Variants in EVC observed in about 807,000 individuals in gnomAD.
The protein encoded by EVC is evC complex member EVC.
In EVC, 116 loss-of-function variants were observed where a neutral mutation model predicts 118.9. That is an observed-to-expected ratio of 0.98 (90% CI 0.84 to 1.14). The LOEUF (loss-of-function observed/expected upper bound fraction) is 1.14. Among genes scored for constraint, EVC ranks in the 50% most tolerant of loss-of-function variants. EVC has a pLI of 0.00. For synonymous variants in EVC, 619 were observed against 534.7 expected (o/e 1.16, Z -2.18); for missense variants, 1,401 against 1,246.4 (o/e 1.12, Z -1.87).
intron 12 of EVC, among the ~76,000 whole-genome samples, chr4:5,788,590 CA>C (rs1277394407): frequency 2.0e-5 from 3 of 152,160 alleles, no homozygotes; most frequent in Non-Finnish European, 4.4e-5. Context: ...TAAATTAGGG[CA>C]AAAACCTTGG....
the EVC span, chr4:5,825,283 G>A: frequency 1.0e-6 from 1 of 985,288 alleles, no homozygotes; most frequent in Non-Finnish European, 1.2e-6. This position sits in a 1 kb window ranked among gnomAD's most constrained non-coding sequence, Gnocchi z 4.4. Flanking sequence ...GTACCACCAT[G>A]TTGCCCCCCT....
chr4:5,794,359 GTATTTA>G (rs1218836254), intron 13 of EVC, among the ~76,000 whole-genome samples: 9 of 101,852 alleles, frequency 8.8e-5, no homozygotes, highest in Non-Finnish European at 1.7e-4. Context: ...ATATATTTAT[GTATTTA>G]TATTTATATA....
chr4:5,822,751 G>A, the EVC span, among the ~76,000 whole-genome samples: 1 of 152,166 alleles, frequency 6.6e-6, no homozygotes, highest in South Asian at 2.1e-4. Flanking sequence ...AAGCAAATAA[G>A]CTGTAAGTCT....
Position 5,802,176 on chromosome 4 carries a change from A to G in EVC, c.2449+82A>G, listed in dbSNP as rs2306399. Reference sequence around the variant, plus strand: ...TTTGGGGCAGAATAGGATGTCAGATACTGTGAATTTTATTTTTGGGAATAT... The same window carrying G: ...TTTGGGGCAGAATAGGATGTCAGATGCTGTGAATTTTATTTTTGGGAATAT... On this transcript the variant is annotated intron_variant, in intron 16 of 20. Transcript: ENST00000264956. 518,876 of 1,530,900 alleles carry G rather than the reference A, an allele frequency of 0.34. 92,735 individuals are homozygous for G. The highest frequency in any genetic ancestry group is 0.53 in the South Asian group (46,537 of 88,386). The allele number at this position is 1,530,900 out of a possible 1,614,324, so 94.8% of individuals were successfully genotyped here. A position where few individuals can be genotyped will look rare whatever the true frequency, so the allele number is the denominator to read the frequency against.
chr4:5,823,884 C>T, the EVC span, among the ~76,000 whole-genome samples: 1 of 152,198 alleles, frequency 6.6e-6, no homozygotes, highest in Non-Finnish European at 1.5e-5. Context: ...AGCTCTATAA[C>T]GTAACATACG....
Position 5,756,720 on chromosome 4 carries a change from G to T in EVC, c.1563+358G>T, listed in dbSNP as rs1731232639. Reference sequence around the variant, plus strand: ...AGTGGTGATGAAGAAGGGGTTCTGGGCTGAAATGGGGACGTCAGAGATCAC... The same window carrying T: ...AGTGGTGATGAAGAAGGGGTTCTGGTCTGAAATGGGGACGTCAGAGATCAC... On this transcript the variant is annotated intron_variant, in intron 11 of 20. Transcript: ENST00000264956. This position sits in a 1 kb window ranked among gnomAD's most constrained non-coding sequence, Gnocchi z 4.2. Among the ~76,000 whole-genome samples, 2 of 152,198 alleles carry T rather than the reference G, an allele frequency of 1.3e-5. No homozygotes were observed. The highest frequency in any genetic ancestry group is 4.1e-4 in the South Asian group (2 of 4,820).
In EVC at chr4:5,719,229, C is replaced by G. The variant is rs369907671; in HGVS notation, c.175-19C>G. On this transcript the variant is annotated intron_variant, in intron 1 of 20. Transcript: ENST00000264956. This position sits in a 1 kb window ranked among gnomAD's most constrained non-coding sequence, Gnocchi z 4.7. The stretch of plus-strand genomic sequence containing the variant: ...GTTGTGTTTCTATCCACCCCCAACT[C>G]CTGACCTTCGGGTTTTAGAAAGACG... 1.9e-6 allele frequency: 3 copies of G among 1,613,988 alleles called. No homozygotes were observed. The highest frequency in any genetic ancestry group is 1.3e-5 in the African/African-American group (1 of 74,926).
chr4:5,809,452 G>T (rs543488589), intron 18 of EVC, 66 bp from the exon 19 acceptor site: 1 of 1,410,056 alleles, frequency 7.1e-7, no homozygotes, highest in African/African-American at 1.4e-5. Flanking sequence ...ATTCACTCAC[G>T]TGGAGAGGGA....
intron 8 of EVC, among the ~76,000 whole-genome samples, chr4:5,751,703 C>G (rs1047381144): frequency 1.3e-5 from 2 of 152,258 alleles, no homozygotes; most frequent in Non-Finnish European, 1.5e-5. Flanking sequence ...ATCACCTCCT[C>G]GAAGACAGGA....
downstream of EVC, among the ~76,000 whole-genome samples, chr4:5,817,051 G>A (rs1481704944): frequency 6.6e-6 from 1 of 152,228 alleles, no homozygotes; most frequent in Non-Finnish European, 1.5e-5. Context: ...TGAGGCTGAG[G>A]CCCCAGCCTA....
Position 5,749,983 on chromosome 4 carries a change from C to T in EVC, c.1098+1677C>T, listed in dbSNP as rs575626239. On this transcript the variant is annotated intron_variant, in intron 8 of 20. Transcript: ENST00000264956. This position sits in a 1 kb window ranked among gnomAD's most constrained non-coding sequence, Gnocchi z 4.4. ...TTCCCAAGCAGGATCTGCACTTTAACAAGACCCCCACATCCACACAGTTGT... is the reference window on the plus strand; with the variant it reads ...TTCCCAAGCAGGATCTGCACTTTAATAAGACCCCCACATCCACACAGTTGT... Among the ~76,000 whole-genome samples, 1 of 152,280 alleles carries T rather than the reference C, an allele frequency of 6.6e-6. No individual in the cohort carries two copies. Among genetic ancestry groups the T allele is most frequent in the Admixed American group, 6.5e-5 (1 of 15,296 alleles).
intron 11 of EVC, chr4:5,758,211 C>T (rs1731478813): frequency 1.5e-6 from 1 of 688,556 alleles, no homozygotes; most frequent in African/African-American, 1.8e-5. Flanking sequence ...AGGAAGGGCC[C>T]CTCCCAGAGC....
chr4:5,745,061 TACA>T, intron 6 of EVC, 140 bp from the exon 7 acceptor site: 1 of 782,026 alleles, frequency 1.3e-6, no homozygotes, highest in Non-Finnish European at 2.0e-6. Context: ...AAACCTCATG[TACA>T]ACAACCCCCA....
At chr4:5,724,894 C>T (rs1230211852) in intron 2 of EVC, among the ~76,000 whole-genome samples, 1 of 152,018 alleles carries the variant, frequency 6.6e-6, no homozygotes, top group African/African-American at 2.4e-5. Context: ...CCCGACAGGC[C>T]CCAGTGTGTG....
At chr4:5,767,128 C>T (rs1733005898) in intron 11 of EVC, among the ~76,000 whole-genome samples, 1 of 151,454 alleles carries the variant, frequency 6.6e-6, no homozygotes, top group Non-Finnish European at 1.5e-5. Context: ...CAGACAGGAC[C>T]CTCAGCTGCA....
At chr4:5,765,613 A>G (rs890267459) in intron 11 of EVC, among the ~76,000 whole-genome samples, 7 of 130,500 alleles carry the variant, frequency 5.4e-5, no homozygotes, top group African/African-American at 2.1e-4. Flanking sequence ...TATATTTAGG[A>G]TAGTTAGCTC....
chr4:5,773,083 T>C (rs1734228728), intron 11 of EVC, among the ~76,000 whole-genome samples: 2 of 152,192 alleles, frequency 1.3e-5, no homozygotes, highest in Admixed American at 6.5e-5. Context: ...GTCACCGCAG[T>C]GTCCCTGGCA....
At chr4:5,718,291 G>A (rs1724322358) in intron 1 of EVC, among the ~76,000 whole-genome samples, 1 of 151,644 alleles carries the variant, frequency 6.6e-6, no homozygotes. Context: ...TTTTATGTAT[G>A]TTTCTGTTTA....
In EVC at chr4:5,789,956, A is replaced by G. The variant is rs1469922118; in HGVS notation, c.1777-3652A>G. Among the ~76,000 whole-genome samples, 1 of 152,084 alleles carries G rather than the reference A, an allele frequency of 6.6e-6. No individual in the cohort carries two copies. The highest frequency in any genetic ancestry group is 1.5e-5 in the Non-Finnish European group (1 of 68,008). On this transcript the variant is annotated intron_variant, in intron 12 of 20. Coordinates refer to ENST00000264956, the MANE Select transcript of EVC (RefSeq NM_153717.3). This position sits in a 1 kb window ranked among gnomAD's most constrained non-coding sequence, Gnocchi z 4.3. The stretch of plus-strand genomic sequence containing the variant: ...AGCACCTTGGGAGGCCAAGGCAGGT[A>G]GATCACCTGAGATCAAGAGTTCGAG...
Sources: allele counts gnomAD v4.1 joint callset (sites outside exome capture counted in the v4.1 genomes callset), GRCh38; gene constraint gnomAD v4.1.1; non-coding constraint Gnocchi (gnomAD v3.1); transcripts MANE v1.5; gene names NCBI Gene and HGNC (gene_info 2026-07-23, HGNC 2026-07-21).